Variants in HTT observed in about 807,000 individuals in gnomAD.
HTT encodes huntington disease protein.
In HTT, 104 loss-of-function variants were observed where a neutral mutation model predicts 362.3. The observed-to-expected ratio is 0.29, with a 90% CI of 0.24 to 0.34. The LOEUF (loss-of-function observed/expected upper bound fraction) is 0.34, where lower values mean the gene tolerates loss of function less well. Among genes scored for constraint, HTT ranks in the 10% least tolerant of loss-of-function variants. HTT has a pLI of 1.00. For synonymous variants in HTT, 1,577 were observed against 1,548.7 expected (o/e 1.02, Z -0.43); for missense variants, 3,301 against 3,928.6 (o/e 0.84, Z 4.27).
chr4:3,217,097 C>A (rs1384208445), intron 51 of HTT, among the ~76,000 whole-genome samples: 1 of 152,122 alleles, frequency 6.6e-6, no homozygotes, highest in Non-Finnish European at 1.5e-5. Flanking sequence ...AATGAGAAGT[C>A]CTTCTCTATC....
chr4:3,215,162 C>T lies in HTT; in HGVS notation c.7005C>T (p.Thr2335=), dbSNP rs1720338093. 1.2e-6 allele frequency: 2 copies of T among 1,614,068 alleles called. No individual in the cohort carries two copies. The highest frequency in any genetic ancestry group is 1.7e-6 in the Non-Finnish European group (2 of 1,179,986). Residue 2335 remains threonine (T), a synonymous_variant, in exon 51 of 67, where the codon ACC becomes ACT. Coordinates refer to ENST00000355072, the MANE Select transcript of HTT (RefSeq NM_001388492.1). ...QLLSPERRTN[T]PKAISEEEEE... ...TTAGTCCAGAAAGAAGGACAAATAC[C>T]CCAAAAGCCATCAGCGAGGAGGAGG...
rs775484797 is a variant in HTT at position 3,131,417 on chromosome 4, T to C, written c.2098+20T>C. On this transcript the variant is annotated intron_variant, in intron 15 of 66. Coordinates refer to ENST00000355072, the MANE Select transcript of HTT (RefSeq NM_001388492.1). ...AAAATGGTGAGTACAAAAGGGGATG[T>C]GCACAGTTGAAGGAAATAACTAGGT... 6.3e-7 allele frequency: 1 copy of C among 1,579,384 alleles called. No homozygotes were observed. Among genetic ancestry groups the C allele is most frequent in the Admixed American group, 1.7e-5 (1 of 59,980 alleles).
rs2110240471 is a variant in HTT at position 3,180,665 on chromosome 4, A to G, written c.4749+14A>G. 1 of 1,609,248 alleles carries G rather than the reference A, an allele frequency of 6.2e-7. No homozygotes were observed. The highest frequency in any genetic ancestry group is 8.5e-7 in the Non-Finnish European group (1 of 1,177,784). On this transcript the variant is annotated intron_variant, in intron 36 of 66. Transcript: ENST00000355072. ...CAGTACCATCAGGTAAGAGGAATGT[A>G]TGTTGGAACTGTCGTGGATACTTTA...
Position 3,131,366 on chromosome 4 carries a change from T to G in HTT, c.2067T>G (p.Ser689=), listed in dbSNP as rs1715806631. The G allele has an allele frequency of 6.2e-7, 1 of 1,613,958 alleles. No homozygotes were observed. The highest frequency in any genetic ancestry group is 1.1e-5 in the South Asian group (1 of 91,080). ...TTGTCCATTGTGTCCGCCTTTTATC[T>G]GCTTCGTTTTTGCTAACAGGGGGAA... ...APLVHCVRLL[S]ASFLLTGGKN... is the part of the protein sequence containing the mutation. Residue 689 remains serine, a synonymous_variant, in exon 15 of 67, where the codon TCT becomes TCG. Transcript: ENST00000355072.
chr4:3,229,100 A>C, intron 59 of HTT, 91 bp downstream of exon 59: 2 of 1,301,170 alleles, frequency 1.5e-6, no homozygotes, highest in Non-Finnish European at 2.1e-6. Flanking sequence ...GCCCACACAC[A>C]TGCCACTTGC....
intron 44 of HTT, 139 bp from the exon 45 acceptor site, chr4:3,207,142 C>A: frequency 9.8e-7 from 1 of 1,024,530 alleles, no homozygotes; most frequent in Non-Finnish European, 1.5e-6. Flanking sequence ...TGTGTCCGAT[C>A]TGACTGTTTC....
intron 11 of HTT, among the ~76,000 whole-genome samples, chr4:3,126,436 T>C (rs1715523952): frequency 6.6e-6 from 1 of 152,204 alleles, no homozygotes; most frequent in Admixed American, 6.5e-5. Context: ...AACTGGATTA[T>C]ATGAGGGTGG....
intron 36 of HTT, 109 bp from the exon 37 acceptor site, chr4:3,182,245 T>G: frequency 1.4e-6 from 1 of 701,982 alleles, no homozygotes; most frequent in East Asian, 2.5e-5. Context: ...CACATCTGTT[T>G]GGATCCTAGA....
intron 53 of HTT, among the ~76,000 whole-genome samples, chr4:3,222,136 G>A (rs967154920): frequency 7.2e-5 from 11 of 152,244 alleles, no homozygotes; most frequent in Non-Finnish European, 1.0e-4. Context: ...TGCCAGGGCC[G>A]ACTTGGGCCT....
chr4:3,130,636 G>A (rs1209420474), intron 14 of HTT, among the ~76,000 whole-genome samples: 1 of 152,166 alleles, frequency 6.6e-6, no homozygotes, highest in East Asian at 1.9e-4. Flanking sequence ...CTTTGAGAGT[G>A]TGCCCCAGAC....
At chr4:3,078,129 T>G (rs1712662569) in intron 1 of HTT, among the ~76,000 whole-genome samples, 1 of 152,216 alleles carries the variant, frequency 6.6e-6, no homozygotes, top group South Asian at 2.1e-4. Context: ...CTAGCATGCT[T>G]GGGAGGGTCC....
intron 1 of HTT, 67 bp downstream of exon 1, chr4:3,075,155 C>T (rs1282214313): frequency 2.5e-6 from 3 of 1,188,628 alleles, no homozygotes; most frequent in Non-Finnish European, 3.1e-6. Flanking sequence ...ATGGCGGTAA[C>T]CCTGCAGCCT....
chr4:3,180,452 G>A, intron 35 of HTT, 63 bp from the exon 36 acceptor site: 16 of 1,435,780 alleles, frequency 1.1e-5, no homozygotes, highest in Non-Finnish European at 1.5e-5. Context: ...TAGATGTTGA[G>A]AGCAGTTTTC....
chr4:3,177,259 C>T (rs1237505727), intron 33 of HTT, 73 bp from the exon 34 acceptor site: 4 of 957,680 alleles, frequency 4.2e-6, no homozygotes, highest in Non-Finnish European at 6.6e-6. Context: ...TGCAGATAAG[C>T]AGGAGGAAAA....
chr4:3,108,849 C>A (rs916306530), intron 6 of HTT, among the ~76,000 whole-genome samples: 1 of 151,884 alleles, frequency 6.6e-6, no homozygotes, highest in African/African-American at 2.4e-5. Flanking sequence ...AGTTTGAGAC[C>A]AGCCTGGGCA....
intron 2 of HTT, 109 bp from the exon 3 acceptor site, chr4:3,099,165 G>A (rs1714017120): frequency 1.5e-6 from 1 of 677,212 alleles, no homozygotes; most frequent in East Asian, 2.7e-5. Context: ...TCTATGTAAT[G>A]TCCTTTTTCT....
intron 34 of HTT, 96 bp downstream of exon 34, chr4:3,177,483 T>G: frequency 1.3e-6 from 1 of 789,748 alleles, no homozygotes; most frequent in African/African-American, 1.8e-5. Context: ...CTGTTAGGCA[T>G]TTTTGCTGTT....
chr4:3,085,161 A>G (rs1713142416), intron 1 of HTT, among the ~76,000 whole-genome samples: 1 of 150,558 alleles, frequency 6.6e-6, no homozygotes, highest in Non-Finnish European at 1.5e-5. Flanking sequence ...TTTTTTTGAG[A>G]CAGTCTGGCT....
intron 29 of HTT, among the ~76,000 whole-genome samples, chr4:3,161,271 A>G (rs1329635370): frequency 6.6e-6 from 1 of 152,268 alleles, no homozygotes; most frequent in East Asian, 1.9e-4. Flanking sequence ...TTATGGCTGT[A>G]TAGTATTCCA....
Sources: allele counts gnomAD v4.1 joint callset (sites outside exome capture counted in the v4.1 genomes callset), GRCh38; gene constraint gnomAD v4.1.1; transcripts MANE v1.5; gene names NCBI Gene and HGNC (gene_info 2026-07-23, HGNC 2026-07-21).